PARD3B: variants seen among roughly 807,000 people sequenced by gnomAD.
PARD3B encodes the protein par-3 family cell polarity regulator beta.
PARD3B carries 103 observed loss-of-function variants against 130.2 expected under a neutral mutation model. The observed-to-expected ratio is 0.79, with a 90% CI of 0.67 to 0.93. The LOEUF is 0.93. PARD3B is among the 40% of genes least tolerant of loss of function. PARD3B has a pLI of 0.00. For synonymous variants in PARD3B, 583 were observed against 553.2 expected, an observed-to-expected ratio of 1.05 and a Z score of -0.76; for missense variants, 1,609 against 1,499.2, an observed-to-expected ratio of 1.07 and a Z score of -1.21.
chr2:205,024,995 G>C (rs1696905142), intron 3 of PARD3B, among the ~76,000 whole-genome samples: 1 of 152,160 alleles, frequency 6.6e-6, no homozygotes, highest in African/African-American at 2.4e-5. Flanking sequence ...ATGCCACCAA[G>C]AGAAGATGAC....
chr2:205,201,336 C>T (rs986910747), intron 15 of PARD3B, among the ~76,000 whole-genome samples: 6 of 150,836 alleles, frequency 4.0e-5, no homozygotes, highest in Non-Finnish European at 7.4e-5. Context: ...AAAAGGATAA[C>T]AGTGATGGAA....
chr2:204,727,586 G>A (rs907665738), intron 2 of PARD3B, among the ~76,000 whole-genome samples: 1 of 152,182 alleles, frequency 6.6e-6, no homozygotes, highest in Admixed American at 6.5e-5. Context: ...ATCCTGGCAG[G>A]CTGGAAAGGG....
rs1201963742 is a variant in PARD3B, at chr2:205,351,760, C to T, written c.2631-49253C>T. Among the ~76,000 whole-genome samples, 1 of 151,300 alleles carries T rather than the reference C, an allele frequency of 6.6e-6. No homozygotes were observed. Among genetic ancestry groups the T allele is most frequent in the African/African-American group, 2.4e-5 (1 of 41,120 alleles). On this transcript the variant is annotated intron_variant, in intron 18 of 22. Transcript: ENST00000406610. The surrounding 1 kb of genome is among the most constrained non-coding windows in gnomAD (Gnocchi z 4.2). ...TGAGTAAGGTGGGTTGCTAGCCTAT[C>T]ACCAGATTATTAAAGTAAGTGTAAT... is the stretch of plus-strand genomic sequence containing the variant.
intron 22 of PARD3B, among the ~76,000 whole-genome samples, chr2:205,571,071 G>A (rs2053544438): frequency 6.6e-6 from 1 of 152,154 alleles, no homozygotes; most frequent in Admixed American, 6.5e-5. Context: ...GTTGATATTT[G>A]AAAAGCATAG....
chr2:205,414,050 C>T (rs1461600335), intron 19 of PARD3B, among the ~76,000 whole-genome samples: 1 of 152,036 alleles, frequency 6.6e-6, no homozygotes, highest in Non-Finnish European at 1.5e-5. Flanking sequence ...AGTCAGAATT[C>T]ATGGTGCTGA....
chr2:205,528,838 A>C (rs988392414), intron 21 of PARD3B, among the ~76,000 whole-genome samples: 6 of 134,706 alleles, frequency 4.5e-5, no homozygotes, highest in African/African-American at 1.6e-4. Flanking sequence ...GAATGCCAGC[A>C]AATAGGTCAT....
intron 2 of PARD3B, among the ~76,000 whole-genome samples, chr2:204,897,644 G>T (rs2046689846): frequency 6.6e-6 from 1 of 152,030 alleles, no homozygotes. Context: ...ATACAGTCAA[G>T]ATACAGAACA....
At chr2:204,596,397 A>G (rs1476971102) in intron 1 of PARD3B, among the ~76,000 whole-genome samples, 1 of 152,110 alleles carries the variant, frequency 6.6e-6, no homozygotes, top group Non-Finnish European at 1.5e-5. Context: ...GTCTTGGAGC[A>G]GGGCTTTCTG....
rs942801178 is a variant in PARD3B, at chr2:205,128,905, A to C, written c.1434+3168A>C. Among the ~76,000 whole-genome samples, 2 of 152,160 alleles carry C rather than the reference A, an allele frequency of 1.3e-5. No homozygotes were observed. The highest frequency in any genetic ancestry group is 6.6e-5 in the Admixed American group (1 of 15,266). ...TCAAATTGATAAGGGAGGCAGCTGTATGTGTTATTTCACTCTCATTTAATG... is the reference window on the plus strand; with the variant it reads ...TCAAATTGATAAGGGAGGCAGCTGTCTGTGTTATTTCACTCTCATTTAATG... On this transcript the variant is annotated intron_variant, in intron 10 of 22. Transcript: ENST00000406610. This position sits in a 1 kb window ranked among gnomAD's most constrained non-coding sequence, Gnocchi z 4.5.
At chr2:205,615,415 G>A in intron 22 of PARD3B, 41 bp from the exon 23 acceptor site, 3 of 1,523,094 alleles carry the variant, frequency 2.0e-6, no homozygotes, top group Non-Finnish European at 2.7e-6. Context: ...CGGACGGCCA[G>A]CTTAGGAGCT....
At chr2:204,981,781 G>A (rs921673444) in intron 3 of PARD3B, among the ~76,000 whole-genome samples, 1 of 152,160 alleles carries the variant, frequency 6.6e-6, no homozygotes, top group African/African-American at 2.4e-5. Context: ...GGAGAGTAGG[G>A]TGTCTGATGA....
chr2:205,129,770 C>G (rs1359186454), intron 10 of PARD3B, among the ~76,000 whole-genome samples: 1 of 152,190 alleles, frequency 6.6e-6, no homozygotes, highest in East Asian at 1.9e-4. Context: ...AGTCTTAACA[C>G]TTAAGCTAAG....
chr2:204,997,146 C>G (rs114449388), intron 3 of PARD3B, among the ~76,000 whole-genome samples: 2,521 of 152,300 alleles, frequency 0.017, 62 homozygotes, highest in African/African-American at 0.054. Context: ...AATTCCATAC[C>G]CTAACTTTAT....
intron 2 of PARD3B, among the ~76,000 whole-genome samples, chr2:204,851,206 C>G (rs1378533554): frequency 6.6e-6 from 1 of 152,158 alleles, no homozygotes; most frequent in Non-Finnish European, 1.5e-5. Flanking sequence ...ACTTCCCTTT[C>G]TGCTTTTATT....
At chr2:205,210,476 A>C (rs922943958) in intron 15 of PARD3B, among the ~76,000 whole-genome samples, 9 of 152,140 alleles carry the variant, frequency 5.9e-5, no homozygotes, top group African/African-American at 2.2e-4. Context: ...GACTAATATT[A>C]TACTCTTTGC....
At chr2:204,903,676 A>G (rs1054959326) in intron 2 of PARD3B, among the ~76,000 whole-genome samples, 5 of 152,222 alleles carry the variant, frequency 3.3e-5, no homozygotes, top group African/African-American at 1.2e-4. Flanking sequence ...AAGAATTAAT[A>G]TGATTGAGAC....
chr2:204,846,616 C>G (rs546904013), intron 2 of PARD3B, among the ~76,000 whole-genome samples: 3 of 150,696 alleles, frequency 2.0e-5, no homozygotes, highest in South Asian at 4.2e-4. Context: ...AGAACTTGTG[C>G]TCTTTCTGTT....
At chr2:205,437,454 T>C (rs373023881) in intron 19 of PARD3B, among the ~76,000 whole-genome samples, 4 of 152,322 alleles carry the variant, frequency 2.6e-5, no homozygotes, top group East Asian at 3.9e-4. Flanking sequence ...TACAGTCCAA[T>C]AGAACGCTCT....
At chr2:204,552,380 C>T (rs879269626) in intron 1 of PARD3B, among the ~76,000 whole-genome samples, 14 of 152,096 alleles carry the variant, frequency 9.2e-5, no homozygotes, top group Non-Finnish European at 1.6e-4. Context: ...GGATGTACAT[C>T]CTCTGTCTCT....
Sources: allele counts gnomAD v4.1 joint callset (sites outside exome capture counted in the v4.1 genomes callset), GRCh38; gene constraint gnomAD v4.1.1; non-coding constraint Gnocchi (gnomAD v3.1); transcripts MANE v1.5; gene names NCBI Gene and HGNC (gene_info 2026-07-23, HGNC 2026-07-21).